NBAS: variants seen among roughly 807,000 people sequenced by gnomAD.
NBAS encodes NAG/BC035112 fusion.
Under a neutral mutation model 302.5 loss-of-function variants are expected in NBAS, and 219 were observed. That is an observed-to-expected ratio of 0.72 (90% confidence interval 0.65 to 0.81). The LOEUF is 0.81. Ranked by LOEUF, NBAS falls within the 30% of genes least tolerant of loss-of-function variation. NBAS has a pLI of 0.00. For missense variants in NBAS, 2,932 were observed against 2,841.6 expected, an observed-to-expected ratio of 1.03 and a Z score of -0.72; for synonymous variants, 1,118 against 1,021.6, an observed-to-expected ratio of 1.09 and a Z score of -1.80.
chr2:15,389,511 T>C (rs954943935), intron 28 of NBAS, among the ~76,000 whole-genome samples: 3 of 152,346 alleles, frequency 2.0e-5, no homozygotes, highest in East Asian at 1.9e-4. Flanking sequence ...ACTGTGGAGT[T>C]AGAACCAGAA....
intron 21 of NBAS, among the ~76,000 whole-genome samples, chr2:15,448,799 C>T (rs1410628365): frequency 6.6e-6 from 1 of 152,004 alleles, no homozygotes; most frequent in East Asian, 1.9e-4. Flanking sequence ...TTGCCTATAT[C>T]AGAAATTAGA....
intron 48 of NBAS, among the ~76,000 whole-genome samples, chr2:15,205,491 A>C (rs1187733571): frequency 6.7e-6 from 1 of 149,750 alleles, no homozygotes; most frequent in Non-Finnish European, 1.5e-5. Context: ...AAAAAAAACC[A>C]GACCCAATGA....
chr2:14,969,508 C>A, the NBAS span, among the ~76,000 whole-genome samples: 1 of 152,028 alleles, frequency 6.6e-6, no homozygotes, highest in African/African-American at 2.4e-5. Context: ...TCCTGGGTAG[C>A]TGGGATTATA....
chr2:14,788,594 C>G, the NBAS span, among the ~76,000 whole-genome samples: 1 of 152,256 alleles, frequency 6.6e-6, no homozygotes, highest in Non-Finnish European at 1.5e-5. Flanking sequence ...CACTCCAGAC[C>G]CTGTTTGCCT....
intron 21 of NBAS, among the ~76,000 whole-genome samples, chr2:15,456,746 C>A (rs1679264660): frequency 6.6e-6 from 1 of 151,886 alleles, no homozygotes; most frequent in Non-Finnish European, 1.5e-5. Context: ...AAGTAAAACA[C>A]AAATTAATTA....
At chr2:15,421,639 T>C (rs1572824363) in intron 23 of NBAS, among the ~76,000 whole-genome samples, 1 of 148,218 alleles carries the variant, frequency 6.7e-6, no homozygotes. Context: ...AGCCTCTAAG[T>C]GTTTTAAAAT....
At chr2:14,950,605 T>G in the NBAS span, among the ~76,000 whole-genome samples, 1 of 152,084 alleles carries the variant, frequency 6.6e-6, no homozygotes, top group African/African-American at 2.4e-5. Flanking sequence ...GAACTCTTAC[T>G]CCAGTAGGGA....
the NBAS span, among the ~76,000 whole-genome samples, chr2:14,846,408 T>C: frequency 6.9e-6 from 1 of 144,344 alleles, no homozygotes; most frequent in Non-Finnish European, 1.5e-5. Context: ...AGACCTTTCC[T>C]ACAAGAAATG....
At chr2:15,529,366 A>C (rs193216796) in intron 9 of NBAS, among the ~76,000 whole-genome samples, 96 of 151,992 alleles carry the variant, frequency 6.3e-4, no homozygotes, top group African/African-American at 2.2e-3. Context: ...GGTGGTGTGC[A>C]CCTGTAGTCC....
At chr2:15,154,405 T>C in the NBAS span, among the ~76,000 whole-genome samples, 1 of 152,178 alleles carries the variant, frequency 6.6e-6, no homozygotes, top group Admixed American at 6.5e-5. Flanking sequence ...ATAGACTGCA[T>C]AGACATCGGT....
chr2:14,802,257 C>G, the NBAS span, among the ~76,000 whole-genome samples: 1 of 140,996 alleles, frequency 7.1e-6, no homozygotes, highest in Non-Finnish European at 1.5e-5. Flanking sequence ...CCAGTTTTCC[C>G]AGCACCATTT....
intron 23 of NBAS, among the ~76,000 whole-genome samples, chr2:15,420,335 CTG>C (rs1356382312): frequency 6.6e-6 from 1 of 152,166 alleles, no homozygotes; most frequent in East Asian, 1.9e-4. Flanking sequence ...CTGAGGTGGG[CTG>C]TCAGCCTTAC....
At chr2:15,144,037 C>CTATGTATATATATATA in the NBAS span, among the ~76,000 whole-genome samples, 1 of 45,890 alleles carries the variant, frequency 2.2e-5, no homozygotes, top group African/African-American at 1.9e-4. Context: ...ATATATTATC[C>CTATGTATATATATATA]TATATATAAA....
chr2:14,973,573 A>G, the NBAS span, among the ~76,000 whole-genome samples: 1 of 152,246 alleles, frequency 6.6e-6, no homozygotes, highest in Non-Finnish European at 1.5e-5. Context: ...CACAAGCTTC[A>G]TTGACACACA....
intron 44 of NBAS, among the ~76,000 whole-genome samples, chr2:15,258,591 C>T (rs958852416): frequency 9.2e-5 from 14 of 152,220 alleles, no homozygotes; most frequent in African/African-American, 3.1e-4. Context: ...GACTGAAATA[C>T]GCCCTGGTCT....
chr2:15,516,018 G>A (rs1339798774), intron 9 of NBAS, among the ~76,000 whole-genome samples: 2 of 152,138 alleles, frequency 1.3e-5, no homozygotes, highest in Admixed American at 6.5e-5. Flanking sequence ...GGCAGGGAAA[G>A]GTGGGGTCAC....
At chr2:14,911,646 G>A in the NBAS span, among the ~76,000 whole-genome samples, 1 of 152,136 alleles carries the variant, frequency 6.6e-6, no homozygotes, top group Admixed American at 6.5e-5. Context: ...TTGTTGTCAA[G>A]ATTAAAGAAA....
intron 26 of NBAS, among the ~76,000 whole-genome samples, chr2:15,401,623 T>C (rs1162088353): frequency 6.6e-6 from 1 of 152,160 alleles, no homozygotes; most frequent in Non-Finnish European, 1.5e-5. Flanking sequence ...ATAGAGGGAT[T>C]AGATTGCTAC....
intron 12 of NBAS, among the ~76,000 whole-genome samples, chr2:15,484,231 A>G (rs1680537619): frequency 1.3e-5 from 2 of 152,202 alleles, no homozygotes; most frequent in African/African-American, 2.4e-5. Flanking sequence ...TCAAGCTGAT[A>G]TATCTCCCTT....
Sources: gnomAD v4.1 joint callset for allele counts (sites outside exome capture counted in the v4.1 genomes callset) on GRCh38, gnomAD v4.1.1 for gene constraint, MANE v1.5 for transcripts, NCBI Gene and HGNC (gene_info 2026-07-23, HGNC 2026-07-21) for gene names.